RUNX2: variants seen among roughly 807,000 people sequenced by gnomAD.
RUNX2 encodes the protein RUNX family transcription factor 2, also known as runt-related transcription factor 2.
A neutral mutation model predicts 51.7 loss-of-function variants in RUNX2; 10 were observed. The observed-to-expected ratio is 0.19, with a 90% CI of 0.12 to 0.33. The LOEUF (loss-of-function observed/expected upper bound fraction) is 0.33. Among genes scored for constraint, RUNX2 ranks in the 10% least tolerant of loss-of-function variants. The pLI is 1.00. For missense variants in RUNX2, 562 were observed against 691.3 expected, an observed-to-expected ratio of 0.81 and a Z score of 2.10; for synonymous variants, 276 against 273.6, an observed-to-expected ratio of 1.01 and a Z score of -0.09.
At chr6:45,388,709 C>A (rs146269844) in intron 2 of RUNX2, among the ~76,000 whole-genome samples, 1 of 152,104 alleles carries the variant, frequency 6.6e-6, no homozygotes, top group Non-Finnish European at 1.5e-5. Context: ...TTATTTGGAA[C>A]AATATTGTTA....
intron 7 of RUNX2, among the ~76,000 whole-genome samples, chr6:45,531,511 T>C (rs1221520228): frequency 6.6e-6 from 1 of 152,140 alleles, no homozygotes; most frequent in East Asian, 1.9e-4. Context: ...TCCCAGCACT[T>C]TGGGAGGCCG....
intron 2 of RUNX2, among the ~76,000 whole-genome samples, chr6:45,391,072 G>A (rs1409904891): frequency 5.3e-5 from 8 of 152,208 alleles, no homozygotes; most frequent in Middle Eastern, 3.4e-3. Context: ...TAGTCTAACC[G>A]GAAAAAATGG....
chr6:45,525,082 G>A lies in RUNX2; in HGVS notation c.1021+12675G>A, dbSNP rs374097590. ...GCCAAGATTGCGTAATTGCACTCCA[G>A]CCTGGGTGACAGAGTGAGACTCAGT... On this transcript the variant is annotated intron_variant, in intron 7 of 8. Coordinates refer to ENST00000647337, the MANE Select transcript of RUNX2 (RefSeq NM_001024630.4). 7.2e-5 allele frequency among the ~76,000 whole-genome samples: 11 copies of A among 152,330 alleles called. No homozygotes were observed. In the East Asian group the frequency reaches 1.2e-3, roughly 16 times the overall value.
chr6:45,517,533 G>T (rs1306435017), intron 7 of RUNX2, among the ~76,000 whole-genome samples: 1 of 152,034 alleles, frequency 6.6e-6, no homozygotes, highest in Non-Finnish European at 1.5e-5. Context: ...TTTGTTTGTT[G>T]TTGTTGTTAA....
intron 2 of RUNX2, chr6:45,365,066 C>T: frequency 1.7e-6 from 1 of 589,676 alleles, no homozygotes; most frequent in Non-Finnish European, 2.7e-6. Flanking sequence ...AAAATGTTAC[C>T]ACAGTATTTC....
intron 2 of RUNX2, among the ~76,000 whole-genome samples, chr6:45,352,138 A>C (rs1792192671): frequency 6.6e-6 from 1 of 152,194 alleles, no homozygotes; most frequent in Non-Finnish European, 1.5e-5. Context: ...AAAGAAGTGT[A>C]CTGAACTACA....
intron 5 of RUNX2, among the ~76,000 whole-genome samples, chr6:45,489,559 G>C (rs899976589): frequency 6.6e-6 from 1 of 152,168 alleles, no homozygotes; most frequent in African/African-American, 2.4e-5. Context: ...AGATCATGTA[G>C]CCCTCCCCTC....
intron 7 of RUNX2, among the ~76,000 whole-genome samples, chr6:45,520,162 G>C (rs1032410837): frequency 3.9e-5 from 6 of 151,926 alleles, no homozygotes; most frequent in Admixed American, 6.6e-5. Flanking sequence ...AATCATCAAA[G>C]GTGCTCTACC....
intron 5 of RUNX2, among the ~76,000 whole-genome samples, chr6:45,446,012 G>C (rs1451708923): frequency 6.6e-6 from 1 of 152,166 alleles, no homozygotes; most frequent in African/African-American, 2.4e-5. Flanking sequence ...GCAACATTCT[G>C]TGGAACTGAT....
intron 2 of RUNX2, among the ~76,000 whole-genome samples, chr6:45,414,532 T>C (rs1228486383): frequency 6.6e-6 from 1 of 152,174 alleles, no homozygotes; most frequent in African/African-American, 2.4e-5. Context: ...ATGTAGCATA[T>C]TAAAATCTGG....
chr6:45,336,439 G>A (rs1490637620), intron 2 of RUNX2, among the ~76,000 whole-genome samples: 1 of 151,434 alleles, frequency 6.6e-6, no homozygotes, highest in African/African-American at 2.4e-5. Context: ...TTAGAGCCAT[G>A]TGCTGATTAT....
chr6:45,483,436 G>A (rs1486773888), intron 5 of RUNX2, among the ~76,000 whole-genome samples: 1 of 151,542 alleles, frequency 6.6e-6, no homozygotes, highest in Non-Finnish European at 1.5e-5. Flanking sequence ...TTTTAATTCA[G>A]CAATCATTTG....
At chr6:45,412,388 A>C (rs750136311) in intron 2 of RUNX2, among the ~76,000 whole-genome samples, 13 of 143,944 alleles carry the variant, frequency 9.0e-5, no homozygotes, top group Non-Finnish European at 1.5e-4. Flanking sequence ...AAACCCCCCA[A>C]AAAAAAGAAG....
chr6:45,353,648 T>C (rs943132070), intron 2 of RUNX2, among the ~76,000 whole-genome samples: 5 of 151,930 alleles, frequency 3.3e-5, no homozygotes, highest in Non-Finnish European at 5.9e-5. Context: ...TATTAAACCA[T>C]AGAAACTAAA....
intron 6 of RUNX2, among the ~76,000 whole-genome samples, chr6:45,498,288 T>C (rs910869502): frequency 6.6e-6 from 1 of 152,204 alleles, no homozygotes. Context: ...ATTTCACAGA[T>C]GGAAGAAATT....
intron 2 of RUNX2, among the ~76,000 whole-genome samples, chr6:45,420,862 T>C (rs1563077584): frequency 6.6e-6 from 1 of 152,206 alleles, no homozygotes; most frequent in Admixed American, 6.5e-5. Context: ...CTGACTCTCA[T>C]CAGCGTAATG....
At chr6:45,462,073 G>A (rs1385629147) in intron 5 of RUNX2, among the ~76,000 whole-genome samples, 2 of 152,100 alleles carry the variant, frequency 1.3e-5, no homozygotes. Flanking sequence ...GATAAATAAA[G>A]CAAAATGTAC....
At chr6:45,446,481 C>T (rs1258072769) in intron 5 of RUNX2, among the ~76,000 whole-genome samples, 3 of 151,270 alleles carry the variant, frequency 2.0e-5, no homozygotes, top group African/African-American at 7.3e-5. Flanking sequence ...AGGTTCCCCT[C>T]CCCCCCTTTT....
chr6:45,370,033 G>A (rs991519458), intron 2 of RUNX2, among the ~76,000 whole-genome samples: 4 of 152,158 alleles, frequency 2.6e-5, no homozygotes, highest in Non-Finnish European at 4.4e-5. Context: ...TGAGTGTAAT[G>A]TGAAGCTATT....
Sources: gnomAD v4.1 joint callset for allele counts (sites outside exome capture counted in the v4.1 genomes callset) on GRCh38, gnomAD v4.1.1 for gene constraint, MANE v1.5 for transcripts, NCBI Gene and HGNC (gene_info 2026-07-23, HGNC 2026-07-21) for gene names.